Variants in LCLAT1 observed in about 807,000 individuals in gnomAD.
The protein encoded by LCLAT1 is lysocardiolipin acyltransferase 1, also known as 1-AGP acyltransferase 8.
LCLAT1 carries 11 observed loss-of-function variants against 30.7 expected under a neutral mutation model. The ratio of observed to expected loss-of-function variants is 0.36; its 90% CI spans 0.23 to 0.59. LCLAT1 has a LOEUF of 0.59. Among genes scored for constraint, LCLAT1 ranks in the 20% least tolerant of loss-of-function variants. The probability of loss-of-function intolerance (pLI) is 0.77; values close to 1 mark genes in which losing one functional copy is unlikely to be tolerated. For missense variants in LCLAT1, 402 were observed against 458.6 expected, an observed-to-expected ratio of 0.88 and a Z score of 1.13; for synonymous variants, 155 against 151.3, an observed-to-expected ratio of 1.02 and a Z score of -0.18.
At position 30,640,362 on chromosome 2, in the gene LCLAT1, C is replaced by T. The variant is rs770882312; in HGVS notation, c.874C>T (p.Gln292Ter). Residue 292 changes from glutamine (Q) to a stop codon, truncating the protein, a stop_gained, in exon 6 of 6, where the codon CAG becomes TAG. Transcript: ENST00000379509. LOFTEE classifies it high-confidence loss of function. ...GGAGAAGAATTTTTATTTTACCGGA[C>T]AGAGTGTCATTCCACCTTGCAAGTC... ...QGEKNFYFTG[Q>*]SVIPPCKSEL... 1.9e-6 allele frequency: 3 copies of T among 1,614,198 alleles called. No individual in the cohort carries two copies. Among genetic ancestry groups the T allele is most frequent in the Non-Finnish European group, 2.5e-6 (3 of 1,180,042 alleles).
Position 30,640,112 on chromosome 2 carries a change from C to G in LCLAT1, c.629-5C>G. 1 of 1,603,134 alleles carries G rather than the reference C, an allele frequency of 6.2e-7. No homozygotes were observed. The highest frequency in any genetic ancestry group is 8.5e-7 in the Non-Finnish European group (1 of 1,175,388). On this transcript the variant is annotated splice_polypyrimidine_tract_variant and splice_region_variant and intron_variant, in intron 5 of 5. Coordinates refer to ENST00000379509, the MANE Select transcript of LCLAT1 (RefSeq NM_001002257.3). ...AATCTATGTTTTCATCTTTTCGAAACCCAGGTAAGAACCTTGATGCTGTCC... is the reference window on the plus strand; with the variant it reads ...AATCTATGTTTTCATCTTTTCGAAAGCCAGGTAAGAACCTTGATGCTGTCC...
intron 3 of LCLAT1, among the ~76,000 whole-genome samples, chr2:30,560,670 T>A (rs1665171188): frequency 6.6e-6 from 1 of 152,074 alleles, no homozygotes; most frequent in African/African-American, 2.4e-5. Context: ...AATAATTTAA[T>A]GATTATGTAT....
chr2:30,555,664 G>A (rs982176461), intron 3 of LCLAT1, among the ~76,000 whole-genome samples: 2 of 151,828 alleles, frequency 1.3e-5, no homozygotes, highest in African/African-American at 4.8e-5. Flanking sequence ...ATGCTTTTTT[G>A]TTTGGGGGTT....
chr2:30,543,287 A>T (rs1173490864), intron 3 of LCLAT1, among the ~76,000 whole-genome samples: 1 of 152,116 alleles, frequency 6.6e-6, no homozygotes, highest in Non-Finnish European at 1.5e-5. Context: ...TCTGATGGTA[A>T]ACTAACCTTA....
intron 1 of LCLAT1, among the ~76,000 whole-genome samples, chr2:30,463,654 C>G (rs79267970): frequency 2.0e-5 from 3 of 152,004 alleles, no homozygotes; most frequent in African/African-American, 7.2e-5. Flanking sequence ...GTATTAGATA[C>G]TATGAGTAAT....
Position 30,640,769 on chromosome 2 carries a change from G to GA in LCLAT1, c.*155dup. The GA allele has an allele frequency of 1.0e-6, 1 of 963,504 alleles. No individual in the cohort carries two copies. Among genetic ancestry groups the GA allele is most frequent in the Non-Finnish European group, 1.5e-6 (1 of 674,336 alleles). 59.7% of individuals were successfully genotyped at this position (963,504 alleles called of 1,614,324 possible). ...AGATATTTTGCACTTAATTTTGTGG[G>GA]AAAAATATTGCTACAATTTTTTTTA... On this transcript the variant is annotated 3_prime_UTR_variant, in exon 6 of 6. Coordinates refer to ENST00000379509, the MANE Select transcript of LCLAT1 (RefSeq NM_001002257.3).
intron 1 of LCLAT1, among the ~76,000 whole-genome samples, chr2:30,522,888 G>C (rs944175709): frequency 6.6e-6 from 1 of 152,220 alleles, no homozygotes; most frequent in African/African-American, 2.4e-5. Flanking sequence ...AATTTGTTGT[G>C]TGGATTTAGG....
rs1669244225 is a variant in LCLAT1, at chr2:30,640,421, T to C, written c.933T>C (p.Ser311=). ...GGGTCCTTGTGGTCAAATTGCTCTCTATACTGTATTGGACCCTGTTCAGCC... is the reference window on the plus strand; with the variant it reads ...GGGTCCTTGTGGTCAAATTGCTCTCCATACTGTATTGGACCCTGTTCAGCC... The part of the protein sequence containing the change: ...ELRVLVVKLL[S]ILYWTLFSPA... The change falls in exon 6 of 6, where the codon TCT becomes TCC. Residue 311 remains serine (S), a synonymous_variant. Coordinates refer to ENST00000379509, the MANE Select transcript of LCLAT1 (RefSeq NM_001002257.3). The C allele has an allele frequency of 6.2e-6, 10 of 1,614,224 alleles. No homozygotes were observed. In the East Asian group the frequency reaches 2.0e-4, roughly 32 times the overall value.
At chr2:30,578,210 AT>A (rs1159589158) in intron 5 of LCLAT1, among the ~76,000 whole-genome samples, 1 of 152,144 alleles carries the variant, frequency 6.6e-6, no homozygotes, top group East Asian at 1.9e-4. Context: ...CCATGTAGAA[AT>A]TCTGATAACT....
At chr2:30,502,453 C>A (rs1387051331) in intron 1 of LCLAT1, among the ~76,000 whole-genome samples, 2 of 152,118 alleles carry the variant, frequency 1.3e-5, no homozygotes, top group Non-Finnish European at 2.9e-5. Context: ...AGCTGTGCAA[C>A]CATCACCACT....
rs575836538 is a variant in LCLAT1 at position 30,640,587 on chromosome 2, C to T, written c.1099C>T (p.Gln367Ter). The T allele has an allele frequency of 7.5e-6, 12 of 1,609,270 alleles. No individual in the cohort carries two copies. Among genetic ancestry groups the T allele is most frequent in the African/African-American group, 2.7e-5 (2 of 74,760 alleles). ...TGCATGTTACCGACTTTTACACAAACAGCCACATTTAAATTCAAAGAAAAA... is the reference window on the plus strand; with the variant it reads ...TGCATGTTACCGACTTTTACACAAATAGCCACATTTAAATTCAAAGAAAAA... ...ELACYRLLHK[Q>*]PHLNSKKNE The change falls in exon 6 of 6, where the codon CAG (glutamine) becomes TAG (stop). Residue 367 changes from glutamine to a stop codon, truncating the protein, a stop_gained. Coordinates refer to ENST00000379509, the MANE Select transcript of LCLAT1 (RefSeq NM_001002257.3). LOFTEE classifies it high-confidence loss of function.
intron 1 of LCLAT1, among the ~76,000 whole-genome samples, chr2:30,508,842 A>G (rs534438740): frequency 1.5e-4 from 23 of 152,330 alleles, no homozygotes; most frequent in African/African-American, 5.3e-4. Flanking sequence ...CATTGAATCT[A>G]TAAATTACTT....
At chr2:30,448,132 G>GTAT in intron 1 of LCLAT1, among the ~76,000 whole-genome samples, 1 of 152,222 alleles carries the variant, frequency 6.6e-6, no homozygotes, top group Non-Finnish European at 1.5e-5. Context: ...TGCCTTTAAA[G>GTAT]TTCATTAACT....
At chr2:30,464,264 C>G (rs1682312957) in intron 1 of LCLAT1, among the ~76,000 whole-genome samples, 1 of 151,546 alleles carries the variant, frequency 6.6e-6, no homozygotes, top group South Asian at 2.1e-4. Context: ...TATTGTAATT[C>G]TATAATGTTT....
At chr2:30,601,787 T>C (rs185567116) in intron 5 of LCLAT1, among the ~76,000 whole-genome samples, 19 of 152,042 alleles carry the variant, frequency 1.2e-4, no homozygotes, top group Admixed American at 3.3e-4. Context: ...AAGTTCTCCA[T>C]AAATAGTATA....
intron 5 of LCLAT1, among the ~76,000 whole-genome samples, chr2:30,578,637 C>T (rs945076723): frequency 9.2e-5 from 14 of 152,102 alleles, no homozygotes; most frequent in Admixed American, 2.6e-4. Flanking sequence ...TTAACCAGCA[C>T]CTCTCAAAGC....
intron 1 of LCLAT1, among the ~76,000 whole-genome samples, chr2:30,487,935 A>G (rs1221601586): frequency 1.3e-5 from 2 of 152,244 alleles, no homozygotes; most frequent in Admixed American, 6.5e-5. Flanking sequence ...CCTCAACCCA[A>G]GTGAGAGTGA....
chr2:30,601,901 A>C (rs889787999), intron 5 of LCLAT1, among the ~76,000 whole-genome samples: 1 of 115,472 alleles, frequency 8.7e-6, no homozygotes, highest in Non-Finnish European at 1.9e-5. Context: ...CTATAGATAT[A>C]TATATAATGT....
At chr2:30,588,227 C>T (rs1666527052) in intron 5 of LCLAT1, among the ~76,000 whole-genome samples, 1 of 152,242 alleles carries the variant, frequency 6.6e-6, no homozygotes, top group Non-Finnish European at 1.5e-5. Flanking sequence ...CTCTCTCTGT[C>T]CTGAAGGAGA....
Sources: gnomAD v4.1 joint callset for allele counts (sites outside exome capture counted in the v4.1 genomes callset) on GRCh38, gnomAD v4.1.1 for gene constraint, MANE v1.5 for transcripts, NCBI Gene and HGNC (gene_info 2026-07-23, HGNC 2026-07-21) for gene names.